The following MTO1 variants were observed in gnomAD, a reference collection of about 807,000 sequenced individuals.
MTO1 encodes 5-taurinomethyluridine-[tRNA] synthase subunit MTO1, mitochondrial.
Under a neutral mutation model 71.6 loss-of-function variants are expected in MTO1, and 46 were observed. The observed-to-expected ratio is 0.64, with a 90% CI of 0.51 to 0.82. The LOEUF is 0.82. MTO1 is among the 40% of genes least tolerant of loss of function. The pLI, the probability that MTO1 is intolerant of heterozygous loss-of-function variation, is 0.00. For missense variants in MTO1, 773 were observed against 867.5 expected (o/e 0.89, Z 1.37); for synonymous variants, 297 against 312.1 (o/e 0.95, Z 0.51).
At position 73,497,728 on chromosome 6, in the gene MTO1, T is replaced by A. The variant is rs1367225864; in HGVS notation, c.1757-8T>A. The A allele has an allele frequency of 1.2e-6, 2 of 1,608,510 alleles. No homozygotes were observed. The highest frequency in any genetic ancestry group is 2.7e-5 in the African/African-American group (2 of 74,846). ...GTATTATAACATGATTCTGATTTTGTTGACCAGCCACTTATGAATCAGTGT... is the reference window on the plus strand; with the variant it reads ...GTATTATAACATGATTCTGATTTTGATGACCAGCCACTTATGAATCAGTGT... On this transcript the variant is annotated splice_region_variant and splice_polypyrimidine_tract_variant and intron_variant, in intron 10 of 11. Coordinates refer to ENST00000498286, the MANE Select transcript of MTO1 (RefSeq NM_012123.4).
chr6:73,499,741 A>G (rs778675922), intron 11 of MTO1, among the ~76,000 whole-genome samples: 6 of 152,182 alleles, frequency 3.9e-5, no homozygotes, highest in Non-Finnish European at 7.3e-5. Flanking sequence ...CCACAATTCT[A>G]TAATACAAAA....
At chr6:73,463,182 C>T (rs1442481714) in intron 1 of MTO1, among the ~76,000 whole-genome samples, 2 of 152,008 alleles carry the variant, frequency 1.3e-5, no homozygotes, top group Admixed American at 6.6e-5. Context: ...CACCACCACG[C>T]CCGGCTAATT....
intron 3 of MTO1, among the ~76,000 whole-genome samples, chr6:73,469,502 A>T (rs1771088332): frequency 6.6e-6 from 1 of 152,090 alleles, no homozygotes; most frequent in African/African-American, 2.4e-5. Flanking sequence ...TGCACCTGTA[A>T]TCCCAGCTAC....
chr6:73,492,465 A>G, intron 10 of MTO1, 113 bp downstream of exon 10: 2 of 701,346 alleles, frequency 2.9e-6, no homozygotes, highest in Non-Finnish European at 4.9e-6. Flanking sequence ...GTGCTTTTCA[A>G]AAGTGTGGTC....
chr6:73,469,342 A>G (rs1022943714), intron 3 of MTO1, among the ~76,000 whole-genome samples: 9 of 151,818 alleles, frequency 5.9e-5, no homozygotes, highest in African/African-American at 2.2e-4. Flanking sequence ...ATGAGGCACT[A>G]GGTCGGGCAT....
At chr6:73,485,681 T>TCTC (rs1771633252) in intron 9 of MTO1, among the ~76,000 whole-genome samples, 2 of 152,216 alleles carry the variant, frequency 1.3e-5, no homozygotes, top group Non-Finnish European at 2.9e-5. Flanking sequence ...TACCTCAAGA[T>TCTC]CTGCCTGCCT....
chr6:73,470,559 A>T (rs1364175977), intron 3 of MTO1, among the ~76,000 whole-genome samples: 1 of 151,982 alleles, frequency 6.6e-6, no homozygotes, highest in African/African-American at 2.4e-5. Context: ...CATTTTTATT[A>T]TAGATTTATT....
chr6:73,485,177 G>A (rs1582690098), intron 9 of MTO1, among the ~76,000 whole-genome samples: 1 of 152,248 alleles, frequency 6.6e-6, no homozygotes, highest in East Asian at 1.9e-4. Flanking sequence ...AGTGTGGGAA[G>A]TGATCGTTTT....
At chr6:73,497,184 G>A (rs1315292806) in intron 10 of MTO1, among the ~76,000 whole-genome samples, 5 of 87,970 alleles carry the variant, frequency 5.7e-5, no homozygotes, top group African/African-American at 9.1e-5. Context: ...ACAGAGTCTC[G>A]CTCTGTCGCC....
At position 73,497,848 on chromosome 6, in the gene MTO1, T is replaced by C. The variant is rs754588347; in HGVS notation, c.1869T>C (p.Ser623=). ...ATTATTTGACTATCAGGGATGTGTCTTTGTCCCATGAAGTTCGAGAGAAAC... is the reference window on the plus strand; with the variant it reads ...ATTATTTGACTATCAGGGATGTGTCCTTGTCCCATGAAGTTCGAGAGAAAC... ...DLDYLTIRDV[S]LSHEVREKLH... Residue 623 remains serine, a synonymous_variant, in exon 11 of 12, where the codon TCT becomes TCC. Coordinates refer to ENST00000498286, the MANE Select transcript of MTO1 (RefSeq NM_012123.4). 3 of 1,613,696 alleles carry C rather than the reference T, an allele frequency of 1.9e-6. No individual in the cohort carries two copies. The highest frequency in any genetic ancestry group is 2.5e-6 in the Non-Finnish European group (3 of 1,179,794).
intron 3 of MTO1, among the ~76,000 whole-genome samples, chr6:73,470,235 C>A (rs1352994198): frequency 6.6e-6 from 1 of 151,642 alleles, no homozygotes; most frequent in East Asian, 1.9e-4. Context: ...GAGACAGAGT[C>A]TCACTGTGTA....
Position 73,503,870 on chromosome 6 carries a change from G to A in MTO1, c.*3135G>A, listed in dbSNP as rs577283696. On this transcript the variant is annotated 3_prime_UTR_variant, in exon 12 of 12. Transcript: ENST00000498286. ...AAGAGCTTAAATTTTGTTACTGATG[G>A]TTTTAAAAGTATTTTGTCATTTTTT... is the stretch of plus-strand genomic sequence containing the variant. 5 of 152,268 alleles carry A rather than the reference G, an allele frequency of 3.3e-5. No individual in the cohort carries two copies. The highest frequency in any genetic ancestry group is 1.2e-4 in the African/African-American group (5 of 41,556). 9.4% of individuals were successfully genotyped at this position (152,268 alleles called of 1,614,324 possible).
chr6:73,469,499 G>C (rs112866702), intron 3 of MTO1, among the ~76,000 whole-genome samples: 5,296 of 152,198 alleles, frequency 0.035, 300 homozygotes, highest in African/African-American at 0.12. Flanking sequence ...GCATGCACCT[G>C]TAATCCCAGC....
chr6:73,461,817 C>T lies in MTO1; in HGVS notation c.-38C>T, dbSNP rs369298288. The T allele has an allele frequency of 7.4e-5, 118 of 1,593,476 alleles. No individual in the cohort carries two copies. Among genetic ancestry groups the T allele is most frequent in the Non-Finnish European group, 9.6e-5 (112 of 1,163,526 alleles). ...TGCGTAAGTTTTTTTGACCGTCACT[C>T]GTGTCAGCTTCAAAGTCAGATAGAT... On this transcript the variant is annotated 5_prime_UTR_variant, in exon 1 of 12. Coordinates refer to ENST00000498286, the MANE Select transcript of MTO1 (RefSeq NM_012123.4).
Position 73,494,658 on chromosome 6 carries a change from G to A in MTO1, c.1756+2306G>A, listed in dbSNP as rs192360212. On this transcript the variant is annotated intron_variant, in intron 10 of 11. Transcript: ENST00000498286. The stretch of plus-strand genomic sequence containing the variant: ...CGCCTGGCTAATTTTTTTATTTTTA[G>A]TAGAGACGGGGTTTCACTATTTGGC... Among the ~76,000 whole-genome samples, 328 of 146,086 alleles carry A rather than the reference G, an allele frequency of 2.2e-3. 2 individuals are homozygous for A. The highest frequency in any genetic ancestry group is 0.011 in the East Asian group (53 of 4,886).
intron 9 of MTO1, among the ~76,000 whole-genome samples, chr6:73,484,097 AG>A (rs1270585969): frequency 6.6e-6 from 1 of 151,950 alleles, no homozygotes; most frequent in African/African-American, 2.4e-5. Context: ...TATTTTCATG[AG>A]GGTTTCCCAA....
intron 3 of MTO1, among the ~76,000 whole-genome samples, chr6:73,467,613 C>A (rs1561939846): frequency 5.3e-5 from 1 of 19,008 alleles, no homozygotes; most frequent in Non-Finnish European, 1.5e-4. Flanking sequence ...AACTCTGTCT[C>A]AAAATAAATA....
intron 11 of MTO1, among the ~76,000 whole-genome samples, chr6:73,499,405 C>A (rs1300561119): frequency 6.6e-6 from 1 of 151,508 alleles, no homozygotes; most frequent in Non-Finnish European, 1.5e-5. Flanking sequence ...ACCTATAGTC[C>A]CAGCTACTTG....
chr6:73,494,236 A>T (rs1771918996), intron 10 of MTO1, among the ~76,000 whole-genome samples: 1 of 149,100 alleles, frequency 6.7e-6, no homozygotes, highest in Admixed American at 6.7e-5. Context: ...ACTTCATCTT[A>T]AAAAAAAAAG....
Sources: allele counts gnomAD v4.1 joint callset (sites outside exome capture counted in the v4.1 genomes callset), GRCh38; gene constraint gnomAD v4.1.1; transcripts MANE v1.5; gene names NCBI Gene and HGNC (gene_info 2026-07-23, HGNC 2026-07-21).